The following VPS13A variants were observed in gnomAD, a reference collection of about 807,000 sequenced individuals.
VPS13A encodes vacuolar protein sorting 13 homolog A.
A neutral mutation model predicts 390.9 loss-of-function variants in VPS13A; 264 were observed. That is an observed-to-expected ratio of 0.68 (90% CI 0.61 to 0.75). The LOEUF (loss-of-function observed/expected upper bound fraction) is 0.75, where lower values mean the gene tolerates loss of function less well. Among genes scored for constraint, VPS13A ranks in the 30% least tolerant of loss-of-function variants. VPS13A has a pLI of 0.00. For missense variants in VPS13A, 3,409 were observed against 3,733.9 expected (o/e 0.91, Z 2.27); for synonymous variants, 1,231 against 1,227.1 (o/e 1.00, Z -0.07).
chr9:77,301,942 A>C (rs1828381153), intron 33 of VPS13A, among the ~76,000 whole-genome samples: 1 of 150,474 alleles, frequency 6.6e-6, no homozygotes, highest in African/African-American at 2.5e-5. Context: ...GTTTGTTTAC[A>C]AATTACATAG....
chr9:77,332,473 C>A (rs1830327259), intron 46 of VPS13A, among the ~76,000 whole-genome samples: 1 of 151,694 alleles, frequency 6.6e-6, no homozygotes, highest in Admixed American at 6.6e-5. Context: ...TTTTATAATA[C>A]AATTTTTTTG....
chr9:77,260,963 A>G (rs1425629201), intron 23 of VPS13A, among the ~76,000 whole-genome samples: 4 of 151,770 alleles, frequency 2.6e-5, no homozygotes, highest in Admixed American at 6.6e-5. Flanking sequence ...CAGTGGCGCA[A>G]TCTCGGCTCA....
rs764025711 is a variant in VPS13A at position 77,353,688 on chromosome 9, T to C, written c.7652+47T>C. 13 of 1,502,276 alleles carry C rather than the reference T, an allele frequency of 8.7e-6. No individual in the cohort carries two copies. In the South Asian group the frequency reaches 1.4e-4, roughly 16 times the overall value. 93.1% of individuals were successfully genotyped at this position (1,502,276 alleles called of 1,614,324 possible). ...ATACATTTAAATGATCAGTTTCTAA[T>C]TGTTAAGAAATTGTTATTGTAAAAT... On this transcript the variant is annotated intron_variant, in intron 54 of 71. Transcript: ENST00000360280.
chr9:77,200,922 T>A (rs1429750192), intron 2 of VPS13A, among the ~76,000 whole-genome samples: 4 of 152,180 alleles, frequency 2.6e-5, no homozygotes, highest in Non-Finnish European at 5.9e-5. Context: ...AGTGGATATC[T>A]AGTTTTCCTA....
chr9:77,353,968 G>GT, intron 54 of VPS13A, among the ~76,000 whole-genome samples: 1 of 152,128 alleles, frequency 6.6e-6, no homozygotes, highest in East Asian at 1.9e-4. Flanking sequence ...ACAGTTCAGG[G>GT]TACATATGCT....
rs1390667487 is a variant in VPS13A at position 77,293,357 on chromosome 9, GA to G, written c.3360del (p.Glu1121LysfsTer22). The G allele has an allele frequency of 6.2e-7, 1 of 1,612,192 alleles. No homozygotes were observed. ...CTTATTAAGGCTGTTTATATCACTG[GA>G]AAAGAAGTTTTCAGCTTCAAAATGG... ...AIYKKAVYIT[G>X]KEVFSFKMVS... On this transcript the variant is annotated frameshift_variant, in exon 32 of 72. Coordinates refer to ENST00000360280, the MANE Select transcript of VPS13A (RefSeq NM_033305.3). LOFTEE classifies it high-confidence loss of function.
chr9:77,250,267 T>C (rs1825078965), intron 21 of VPS13A, 38 bp downstream of exon 21: 2 of 1,609,036 alleles, frequency 1.2e-6, no homozygotes, highest in Non-Finnish European at 8.5e-7. Context: ...TTGATTTTGT[T>C]GAAGTGATTA....
At chr9:77,379,793 T>C (rs566517929) in intron 67 of VPS13A, among the ~76,000 whole-genome samples, 2 of 152,376 alleles carry the variant, frequency 1.3e-5, no homozygotes, top group South Asian at 4.1e-4. Flanking sequence ...TGAATAATGT[T>C]CCGTTGCACT....
Position 77,420,530 on chromosome 9 carries a change from C to A in VPS13A, c.*4524C>A, listed in dbSNP as rs1441650473. The A allele has an allele frequency of 6.6e-6, 1 of 151,834 alleles. No individual in the cohort carries two copies. The highest frequency in any genetic ancestry group is 1.5e-5 in the Non-Finnish European group (1 of 67,968). 9.4% of individuals were successfully genotyped at this position (151,834 alleles called of 1,614,324 possible). ...AAAAGCTATACAAGAAATATAACTT[C>A]AATTTTTTAGGTTGATATGGGTATA... On this transcript the variant is annotated 3_prime_UTR_variant, in exon 72 of 72. Coordinates refer to ENST00000360280, the MANE Select transcript of VPS13A (RefSeq NM_033305.3).
At chr9:77,378,467 A>G (rs923282203) in intron 67 of VPS13A, among the ~76,000 whole-genome samples, 3 of 152,096 alleles carry the variant, frequency 2.0e-5, no homozygotes, top group African/African-American at 7.2e-5. Flanking sequence ...GTATTCTCAT[A>G]TAATTATTTT....
intron 44 of VPS13A, among the ~76,000 whole-genome samples, chr9:77,322,267 T>G (rs1439968185): frequency 1.3e-5 from 2 of 151,910 alleles, no homozygotes; most frequent in African/African-American, 2.4e-5. Flanking sequence ...CCCAAAAGTT[T>G]TTCATTTTTA....
Position 77,273,365 on chromosome 9 carries a change from G to A in VPS13A, c.2512+1G>A. ...GAACTTCCATCTGTTTCTGAAGATG[G>A]TAAAATGAAACTGCTTAAGGATATT... On this transcript the variant is annotated splice_donor_variant, in intron 24 of 71. Coordinates refer to ENST00000360280, the MANE Select transcript of VPS13A (RefSeq NM_033305.3). LOFTEE classifies it high-confidence loss of function. 1 of 1,603,870 alleles carries A rather than the reference G, an allele frequency of 6.2e-7. No homozygotes were observed. Among genetic ancestry groups the A allele is most frequent in the Non-Finnish European group, 8.5e-7 (1 of 1,173,938 alleles).
At chr9:77,187,134 A>C (rs543400264) in intron 1 of VPS13A, among the ~76,000 whole-genome samples, 38 of 152,266 alleles carry the variant, frequency 2.5e-4, no homozygotes, top group Middle Eastern at 3.4e-3. Flanking sequence ...TCATCTGTTG[A>C]TGAATAGTTG....
In VPS13A at chr9:77,416,587, G is replaced by A. The variant is rs1293292981; in HGVS notation, c.*581G>A. On this transcript the variant is annotated 3_prime_UTR_variant, in exon 72 of 72. Transcript: ENST00000360280. ...GTTTGAATTGTACTTAAAATGCATA[G>A]CATTATTAAAAACAATCTTTTAAAA... 6.6e-6 allele frequency: 1 copy of A among 152,236 alleles called. No individual in the cohort carries two copies. 9.4% of individuals were successfully genotyped at this position (152,236 alleles called of 1,614,324 possible).
At chr9:77,281,950 T>A (rs754140471) in intron 28 of VPS13A, 24 bp downstream of exon 28, 31 of 1,445,944 alleles carry the variant, frequency 2.1e-5, no homozygotes, top group Non-Finnish European at 2.9e-5. Context: ...ATTTATTTTT[T>A]AATTATGTAC....
Position 77,206,057 on chromosome 9 carries a change from A to G in VPS13A, c.363A>G (p.Ala121=), listed in dbSNP as rs1286000017. The change falls in exon 5 of 72, where the codon GCA becomes GCG. Residue 121 remains alanine, a synonymous_variant. Coordinates refer to ENST00000360280, the MANE Select transcript of VPS13A (RefSeq NM_033305.3). The part of the protein sequence containing the change: ...KQQELKRIEE[A]KQKVVDQEQH... ...AGGAACTGAAAAGAATAGAAGAAGC[A>G]AAACAAAAAGTAGTTGATCAAGGTA... 1.9e-6 allele frequency: 3 copies of G among 1,580,044 alleles called. No homozygotes were observed. Among genetic ancestry groups the G allele is most frequent in the African/African-American group, 1.3e-5 (1 of 74,470 alleles).
chr9:77,264,722 TAC>T (rs1163240004), intron 23 of VPS13A, among the ~76,000 whole-genome samples: 1 of 152,198 alleles, frequency 6.6e-6, no homozygotes, highest in African/African-American at 2.4e-5. Flanking sequence ...TTTCTAAATA[TAC>T]AGTCATGTCA....
chr9:77,250,090 CTTG>C lies in VPS13A; in HGVS notation c.2038-6_2038-4del. ...GCATAGTCTAAACTATTAAAATTAACTTGAAGGTGACGAGTAAAAGTCGTTCTG... is the reference window on the plus strand; with the variant it reads ...GCATAGTCTAAACTATTAAAATTAACAAGGTGACGAGTAAAAGTCGTTCTG... On this transcript the variant is annotated splice_polypyrimidine_tract_variant and splice_region_variant and intron_variant, in intron 20 of 71. Coordinates refer to ENST00000360280, the MANE Select transcript of VPS13A (RefSeq NM_033305.3). 1 of 1,613,368 alleles carries C rather than the reference CTTG, an allele frequency of 6.2e-7. No homozygotes were observed. The highest frequency in any genetic ancestry group is 8.5e-7 in the Non-Finnish European group (1 of 1,179,704).
chr9:77,226,418 CTAAA>C (rs1423677445), intron 14 of VPS13A, 44 bp from the exon 15 acceptor site: 1 of 1,543,140 alleles, frequency 6.5e-7, no homozygotes, highest in East Asian at 2.3e-5. Context: ...GTTTCAGTTG[CTAAA>C]TAAAGGATAA....
Sources: gnomAD v4.1 joint callset for allele counts (sites outside exome capture counted in the v4.1 genomes callset) on GRCh38, gnomAD v4.1.1 for gene constraint, MANE v1.5 for transcripts, NCBI Gene and HGNC (gene_info 2026-07-23, HGNC 2026-07-21) for gene names.